TTC1: variants seen among roughly 807,000 people sequenced by gnomAD.
The protein encoded by TTC1 is tetratricopeptide repeat domain 1, also known as tetratricopeptide repeat protein 1.
A neutral mutation model predicts 37.6 loss-of-function variants in TTC1; 31 were observed. The ratio of observed to expected loss-of-function variants is 0.82; its 90% CI spans 0.62 to 1.11. The LOEUF is 1.11. Among genes scored for constraint, TTC1 ranks in the 50% most tolerant of loss-of-function variants. The probability of loss-of-function intolerance (pLI) is 0.00; values close to 1 mark genes in which losing one functional copy is unlikely to be tolerated. For synonymous variants in TTC1, 127 were observed against 122.4 expected (o/e 1.04, Z -0.25); for missense variants, 351 against 339.0 (o/e 1.04, Z -0.28).
intron 7 of TTC1, chr5:160,063,409 C>G (rs1581133054): frequency 6.6e-6 from 1 of 152,478 alleles, no homozygotes; most frequent in Non-Finnish European, 1.5e-5. Flanking sequence ...GATACAGGGT[C>G]TCCCTATGTT....
At chr5:160,017,696 C>G (rs1434050647) in intron 2 of TTC1, among the ~76,000 whole-genome samples, 1 of 152,132 alleles carries the variant, frequency 6.6e-6, no homozygotes, top group African/African-American at 2.4e-5. Context: ...CTAGGTAATT[C>G]ATATGCACAT....
At chr5:160,038,922 A>C (rs952656151) in intron 4 of TTC1, 6 of 152,156 alleles carry the variant, frequency 3.9e-5, no homozygotes, top group African/African-American at 1.2e-4. Flanking sequence ...CAGCTTCCCA[A>C]AGTGCTGGGA....
At chr5:160,035,898 T>G (rs1756990828) in intron 3 of TTC1, among the ~76,000 whole-genome samples, 1 of 152,076 alleles carries the variant, frequency 6.6e-6, no homozygotes, top group Non-Finnish European at 1.5e-5. Flanking sequence ...GGTTTTTAAT[T>G]TTTTTCTTAT....
At chr5:160,031,634 T>A (rs906369828) in intron 2 of TTC1, among the ~76,000 whole-genome samples, 4 of 151,568 alleles carry the variant, frequency 2.6e-5, no homozygotes, top group African/African-American at 7.3e-5. Context: ...AATAAATAAA[T>A]AAAAAATAAC....
At chr5:160,063,239 T>TC (rs113638818) in intron 7 of TTC1, among the ~76,000 whole-genome samples, 1 of 151,962 alleles carries the variant, frequency 6.6e-6, no homozygotes, top group Non-Finnish European at 1.5e-5. Flanking sequence ...AGGCCATGCG[T>TC]TTTTTTTGCT....
At chr5:160,049,468 A>AG in intron 5 of TTC1, 46 bp from the exon 6 acceptor site, 1 of 1,502,766 alleles carries the variant, frequency 6.7e-7, no homozygotes, top group South Asian at 1.3e-5. Flanking sequence ...AAAGATATGT[A>AG]GGCCATTTTT....
chr5:160,029,740 C>A (rs185601973), intron 2 of TTC1, among the ~76,000 whole-genome samples: 1 of 152,266 alleles, frequency 6.6e-6, no homozygotes, highest in African/African-American at 2.4e-5. Context: ...AGGCAAAGTA[C>A]AGAATACTAC....
intron 2 of TTC1, among the ~76,000 whole-genome samples, chr5:160,026,450 A>G (rs758287516): frequency 3.0e-4 from 45 of 152,314 alleles, no homozygotes; most frequent in Admixed American, 4.6e-4. Context: ...CTCTGAATTC[A>G]GTCAGTTTTT....
intron 1 of TTC1, among the ~76,000 whole-genome samples, chr5:160,009,597 CATAAATAA>C (rs142556060): frequency 6.6e-6 from 1 of 151,912 alleles, no homozygotes; most frequent in African/African-American, 2.4e-5. Flanking sequence ...GGGATGAAAA[CATAAATAA>C]ATAAATAAAT....
chr5:160,027,262 C>G (rs1756824021), intron 2 of TTC1, among the ~76,000 whole-genome samples: 1 of 152,210 alleles, frequency 6.6e-6, no homozygotes, highest in Admixed American at 6.5e-5. Flanking sequence ...CTCCTGAGTT[C>G]AAGCGATCTG....
chr5:160,048,694 T>G (rs1432257480), intron 5 of TTC1, among the ~76,000 whole-genome samples: 1 of 152,212 alleles, frequency 6.6e-6, no homozygotes, highest in African/African-American at 2.4e-5. Flanking sequence ...AGAATGATAG[T>G]CTGCCACCAG....
chr5:160,010,683 A>G lies in TTC1; in HGVS notation c.155A>G (p.His52Arg), dbSNP rs758882425. 3 of 1,613,812 alleles carry G rather than the reference A, an allele frequency of 1.9e-6. No individual in the cohort carries two copies. Among genetic ancestry groups the G allele is most frequent in the African/African-American group, 2.7e-5 (2 of 75,050 alleles). Residue 52 changes from histidine (H) to arginine (R), a missense_variant, in exon 2 of 8, where the codon CAT becomes CGT. His to Arg is a conservative substitution (Grantham distance 29). Transcript: ENST00000231238. ...AAGCTGCTCAGGGATGATGAGGCCCATCTCCAGGAGGACCAGGGAGAAGAG... is the reference window on the plus strand; with the variant it reads ...AAGCTGCTCAGGGATGATGAGGCCCGTCTCCAGGAGGACCAGGGAGAAGAG... Reference protein sequence around the residue: ...QSKLLRDDEAHLQEDQGEEEC... With the variant: ...QSKLLRDDEARLQEDQGEEEC...
chr5:160,049,765 G>A, intron 6 of TTC1, 103 bp downstream of exon 6: 2 of 1,082,450 alleles, frequency 1.8e-6, no homozygotes, highest in Non-Finnish European at 2.5e-6. Context: ...CCATTTCTGT[G>A]CTTTTGAGGA....
intron 7 of TTC1, among the ~76,000 whole-genome samples, chr5:160,062,819 C>T (rs1211431073): frequency 4.6e-5 from 7 of 151,570 alleles, no homozygotes; most frequent in African/African-American, 1.7e-4. Flanking sequence ...TTTTTTTTTC[C>T]CCCTTCCTGT....
At position 160,018,654 on chromosome 5, in the gene TTC1, C is replaced by G. The variant is rs200334586; in HGVS notation, c.330+7796C>G. On this transcript the variant is annotated intron_variant, in intron 2 of 7. Transcript: ENST00000231238. ...CGTAGTAAAGAACTTGAAGTTTTTTCCAAGTGCAGAAGGAAACAGATGGAT... is the reference window on the plus strand; with the variant it reads ...CGTAGTAAAGAACTTGAAGTTTTTTGCAAGTGCAGAAGGAAACAGATGGAT... Among the ~76,000 whole-genome samples, 9 of 152,200 alleles carry G rather than the reference C, an allele frequency of 5.9e-5. No homozygotes were observed. In the East Asian group the frequency reaches 1.7e-3, roughly 29 times the overall value.
chr5:160,052,946 T>C (rs929848861), intron 7 of TTC1, among the ~76,000 whole-genome samples: 2 of 152,254 alleles, frequency 1.3e-5, no homozygotes, highest in African/African-American at 4.8e-5. Context: ...TTGTTACACA[T>C]GTGTAGTTTG....
chr5:160,016,968 T>G (rs1400573995), intron 2 of TTC1, among the ~76,000 whole-genome samples: 1 of 152,182 alleles, frequency 6.6e-6, no homozygotes, highest in Non-Finnish European at 1.5e-5. Context: ...CAGTTAAGAT[T>G]TGGTAAAAAC....
At chr5:160,054,782 TTATGAG>T (rs1757500168) in intron 7 of TTC1, among the ~76,000 whole-genome samples, 1 of 152,212 alleles carries the variant, frequency 6.6e-6, no homozygotes, top group African/African-American at 2.4e-5. Flanking sequence ...GACACGGCCT[TTATGAG>T]TATATCTAAG....
rs11438489 is a variant in TTC1 at position 160,035,952 on chromosome 5, GT to G, written c.392-726del. Among the ~76,000 whole-genome samples, 859 of 141,274 alleles carry G rather than the reference GT, an allele frequency of 6.1e-3. 3 individuals carry two copies. The highest frequency in any genetic ancestry group is 7.4e-3 in the Non-Finnish European group (475 of 64,272). The allele number at this position is 141,274 out of a possible 152,430, so 92.7% of individuals were successfully genotyped here. The stretch of plus-strand genomic sequence containing the variant: ...CTATTACCTGATTTCAGATTTTAGG[GT>G]TTTTTTTTTTTTCCTATATCTTGGT... On this transcript the variant is annotated intron_variant, in intron 3 of 7. Transcript: ENST00000231238.
Sources: gnomAD v4.1 joint callset for allele counts (sites outside exome capture counted in the v4.1 genomes callset) on GRCh38, gnomAD v4.1.1 for gene constraint, MANE v1.5 for transcripts, NCBI Gene and HGNC (gene_info 2026-07-23, HGNC 2026-07-21) for gene names.